The following UNC13A variants were observed in gnomAD, a reference collection of about 807,000 sequenced individuals.
The protein encoded by UNC13A is unc-13 homolog A, also known as protein unc-13 homolog A.
A neutral mutation model predicts 219.7 loss-of-function variants in UNC13A; 61 were observed. The ratio of observed to expected loss-of-function variants is 0.28; its 90% CI spans 0.23 to 0.34. UNC13A has a LOEUF of 0.34. UNC13A is among the 10% of genes least tolerant of loss of function. The pLI, the probability that UNC13A is intolerant of heterozygous loss-of-function variation, is 1.00. For missense variants in UNC13A, 1,476 were observed against 2,270.3 expected, an observed-to-expected ratio of 0.65 and a Z score of 7.11; for synonymous variants, 920 against 884.6, an observed-to-expected ratio of 1.04 and a Z score of -0.71.
chr19:17,607,333 C>G (rs2144905305), intron 43 of UNC13A, among the ~76,000 whole-genome samples: 1 of 151,696 alleles, frequency 6.6e-6, no homozygotes, highest in African/African-American at 2.4e-5. Context: ...ACAATCGCGG[C>G]TCACTGCAAC....
Position 17,631,178 on chromosome 19 carries a change from CT to C in UNC13A, c.3429-429del, listed in dbSNP as rs1349483445. On this transcript the variant is annotated intron_variant, in intron 28 of 43. Coordinates refer to ENST00000519716, the MANE Select transcript of UNC13A (RefSeq NM_001080421.3). ...TTCTCCCTCCCTCCCTCCCTCCCTC[CT>C]TTCCTTCCTTCCCTCCCTCCCTCCC... Among the ~76,000 whole-genome samples the C allele has an allele frequency of 8.8e-3, 117 of 13,340 alleles. 2 individuals are homozygous for C. The highest frequency in any genetic ancestry group is 0.016 in the Non-Finnish European group (76 of 4,898). The allele number at this position is 13,340 out of a possible 152,430, so 8.8% of individuals were successfully genotyped here. A position where few individuals can be genotyped will look rare whatever the true frequency, so the allele number is the denominator to read the frequency against.
chr19:17,635,157 C>T (rs977536194), intron 26 of UNC13A, among the ~76,000 whole-genome samples: 1 of 151,942 alleles, frequency 6.6e-6, no homozygotes, highest in Non-Finnish European at 1.5e-5. Context: ...TGAGCCACCG[C>T]GCGTGGCCAA....
intron 19 of UNC13A, among the ~76,000 whole-genome samples, chr19:17,644,741 G>C (rs1190508362): frequency 6.6e-6 from 1 of 151,942 alleles, no homozygotes; most frequent in South Asian, 2.1e-4. Flanking sequence ...CCCTGGGCTG[G>C]AGTGCAGCAG....
chr19:17,658,389 G>T, intron 8 of UNC13A, 120 bp from the exon 9 acceptor site: 1 of 927,242 alleles, frequency 1.1e-6, no homozygotes, highest in Non-Finnish European at 1.7e-6. Flanking sequence ...TTACTAGTAT[G>T]GATAAAGAAT....
At chr19:17,654,375 A>G (rs1367687214) in intron 11 of UNC13A, among the ~76,000 whole-genome samples, 1 of 152,132 alleles carries the variant, frequency 6.6e-6, no homozygotes, top group Non-Finnish European at 1.5e-5. Context: ...CACCTGTCTC[A>G]TTTAGAACCA....
chr19:17,679,503 T>G (rs923148347), intron 1 of UNC13A, among the ~76,000 whole-genome samples: 3 of 147,598 alleles, frequency 2.0e-5, no homozygotes, highest in Non-Finnish European at 4.5e-5. Context: ...GGAGAGGCAG[T>G]TGGGGGAGAA....
At chr19:17,607,456 GT>G (rs1362010924) in intron 43 of UNC13A, among the ~76,000 whole-genome samples, 7 of 114,592 alleles carry the variant, frequency 6.1e-5, no homozygotes, top group African/African-American at 1.3e-4. Flanking sequence ...ACAGATGGGG[GT>G]GGCGGGGGGG....
chr19:17,620,667 G>C, intron 38 of UNC13A, 26 bp downstream of exon 38: 1 of 1,609,628 alleles, frequency 6.2e-7, no homozygotes, highest in South Asian at 1.1e-5. Flanking sequence ...ATGGGAGCCA[G>C]ACAGACAGTG....
intron 20 of UNC13A, 31 bp downstream of exon 20, chr19:17,642,814 G>A (rs1227071349): frequency 6.4e-7 from 1 of 1,551,096 alleles, no homozygotes; most frequent in East Asian, 2.3e-5. Flanking sequence ...GAGTGGAAGT[G>A]GCATGGGAGG....
rs1303925743 is a variant in UNC13A at position 17,623,537 on chromosome 19, C to T, written c.4203+5G>A. ...AGACAGACGGACAGACGGGACTCTACTTACGATCATCTGTCATCCGTGATG... is the reference window on the plus strand; with the variant it reads ...AGACAGACGGACAGACGGGACTCTATTTACGATCATCTGTCATCCGTGATG... On this transcript the variant is annotated splice_donor_5th_base_variant and intron_variant, in intron 36 of 43. Transcript: ENST00000519716. The T allele has an allele frequency of 7.0e-7, 1 of 1,421,072 alleles. No homozygotes were observed. The highest frequency in any genetic ancestry group is 2.1e-5 in the Admixed American group (1 of 47,370). 88.0% of individuals were successfully genotyped at this position (1,421,072 alleles called of 1,614,324 possible).
intron 6 of UNC13A, among the ~76,000 whole-genome samples, chr19:17,666,905 AGAGAG>A (rs1568268221): frequency 1.2e-5 from 1 of 80,712 alleles, no homozygotes; most frequent in Non-Finnish European, 3.0e-5. Context: ...AGAGAGAGAG[AGAGAG>A]AAAGACAGAG....
At position 17,647,266 on chromosome 19, in the gene UNC13A, G is replaced by A. The variant is rs752430220; in HGVS notation, c.2043C>T (p.Thr681=). ...TSKWSAKISI[T]VVCAQGLQAK... ...CTATGGCGGCCCACGCCCCCTCACC[G>A]GTGATGCTGATCTTGGCGGACCACT... The change falls in exon 17 of 44, where the codon ACC becomes ACT. Residue 681 remains threonine (T), a splice_region_variant and synonymous_variant. Transcript: ENST00000519716. The A allele has an allele frequency of 2.9e-5, 45 of 1,571,706 alleles. No homozygotes were observed. The highest frequency in any genetic ancestry group is 4.7e-5 in the East Asian group (2 of 42,550).
intron 37 of UNC13A, among the ~76,000 whole-genome samples, chr19:17,621,315 C>T (rs931975045): frequency 2.0e-5 from 3 of 152,092 alleles, no homozygotes; most frequent in African/African-American, 7.2e-5. Flanking sequence ...GTACGGAACC[C>T]CTGTGACCCA....
rs769045684 is a variant in UNC13A, at chr19:17,658,104, G to C, written c.725C>G (p.Ser242Cys). 1.2e-6 allele frequency: 2 copies of C among 1,613,624 alleles called. No homozygotes were observed. The highest frequency in any genetic ancestry group is 2.7e-5 in the African/African-American group (2 of 74,884). ...AGAGAACTCCTCGTAACTGTGCATG[G>C]AGTCACTGTAGGACTCCCGGGAGCC... is the stretch of plus-strand genomic sequence containing the variant. The part of the protein sequence containing the change: ...PLGSRESYSD[S>C]MHSYEEFSEP... The change falls in exon 9 of 44, where the codon TCC (serine) becomes TGC (cysteine). Residue 242 changes from serine to cysteine, a missense_variant. Ser to Cys is a moderately radical substitution (Grantham distance 112, BLOSUM62 -1). This residue lies in a region of UNC13A where 351 missense variants were observed against 342.6 expected (regional missense o/e 1.02). Coordinates refer to ENST00000519716, the MANE Select transcript of UNC13A (RefSeq NM_001080421.3).
chr19:17,618,900 C>A lies in UNC13A; in HGVS notation c.4329+6G>T, dbSNP rs2076696571. On this transcript the variant is annotated splice_donor_region_variant and intron_variant, in intron 39 of 43. Transcript: ENST00000519716. ...CCTCACGCCATAATCTATCCCCACT[C>A]CTCACCTTGAGTTTGGACAGCTGAC... 2 of 1,613,964 alleles carry A rather than the reference C, an allele frequency of 1.2e-6. No homozygotes were observed. The highest frequency in any genetic ancestry group is 1.3e-5 in the African/African-American group (1 of 75,042).
At chr19:17,643,419 A>C (rs768564282) in intron 19 of UNC13A, among the ~76,000 whole-genome samples, 23 of 151,916 alleles carry the variant, frequency 1.5e-4, no homozygotes, top group Non-Finnish European at 2.6e-4. Context: ...TCCTGAGTTC[A>C]AGCAATTGTC....
intron 37 of UNC13A, 118 bp from the exon 38 acceptor site, chr19:17,620,840 G>C: frequency 8.4e-7 from 1 of 1,191,348 alleles, no homozygotes; most frequent in African/African-American, 1.5e-5. Context: ...CTCCTCCCCA[G>C]GTCCTGGGTC....
chr19:17,672,091 C>A (rs2079799649), intron 4 of UNC13A, among the ~76,000 whole-genome samples: 1 of 151,974 alleles, frequency 6.6e-6, no homozygotes, highest in Admixed American at 6.6e-5. Context: ...GCATGAACCA[C>A]CCCCCTCCCC....
chr19:17,653,877 T>A (rs1265814365), intron 11 of UNC13A, among the ~76,000 whole-genome samples: 3 of 143,504 alleles, frequency 2.1e-5, no homozygotes, highest in Non-Finnish European at 3.0e-5. Context: ...CCCAGGCTGG[T>A]GTGCAGTGGC....
Sources: gnomAD v4.1 joint callset for allele counts (sites outside exome capture counted in the v4.1 genomes callset) on GRCh38, gnomAD v4.1.1 for gene constraint, gnomAD v4.1.1 regional missense constraint, MANE v1.5 for transcripts, NCBI Gene and HGNC (gene_info 2026-07-23, HGNC 2026-07-21) for gene names.